Variants in MYO1B observed in about 807,000 individuals in gnomAD.
MYO1B encodes myosin IB.
MYO1B carries 72 observed loss-of-function variants against 159.7 expected under a neutral mutation model. The ratio of observed to expected loss-of-function variants is 0.45; its 90% CI spans 0.37 to 0.55. MYO1B has a LOEUF of 0.55. MYO1B is among the 20% of genes least tolerant of loss of function. MYO1B has a pLI of 0.00. For missense variants in MYO1B, 1,062 were observed against 1,364.8 expected, an observed-to-expected ratio of 0.78 and a Z score of 3.50; for synonymous variants, 468 against 473.8, an observed-to-expected ratio of 0.99 and a Z score of 0.16.
chr2:191,401,984 T>C (rs923033176), intron 23 of MYO1B: 1 of 152,652 alleles, frequency 6.6e-6, no homozygotes, highest in Non-Finnish European at 1.5e-5. Context: ...CCTATAAGTT[T>C]AACCTATAAT....
chr2:191,373,391 A>G (rs370368859), intron 13 of MYO1B, among the ~76,000 whole-genome samples: 2 of 152,192 alleles, frequency 1.3e-5, no homozygotes, highest in South Asian at 2.1e-4. Context: ...TCTGTTAGAC[A>G]GTAGTCTCTG....
intron 13 of MYO1B, among the ~76,000 whole-genome samples, chr2:191,379,660 A>G (rs1252917976): frequency 2.0e-5 from 3 of 152,132 alleles, no homozygotes; most frequent in Non-Finnish European, 2.9e-5. Flanking sequence ...GACTTGCCAG[A>G]TAACACATTT....
intron 4 of MYO1B, among the ~76,000 whole-genome samples, chr2:191,338,714 A>G (rs1230288999): frequency 4.6e-5 from 7 of 152,324 alleles, no homozygotes; most frequent in African/African-American, 1.7e-4. Flanking sequence ...CAGAGGACTC[A>G]ATGTAGCCGT....
chr2:191,317,824 AGAGCTC>A (rs902683439), intron 3 of MYO1B, among the ~76,000 whole-genome samples: 3 of 152,208 alleles, frequency 2.0e-5, no homozygotes, highest in African/African-American at 4.8e-5. Context: ...TTAAACCCAC[AGAGCTC>A]TTTGTAAGCA....
chr2:191,248,630 T>C lies in MYO1B; in HGVS notation c.-10+3004T>C, dbSNP rs142281012. On this transcript the variant is annotated intron_variant, in intron 1 of 30. Coordinates refer to ENST00000392318, the MANE Select transcript of MYO1B (RefSeq NM_001130158.3). ...ACATCACAATTCAAAATTCTAAGTATGATTTCCACTGAATGCCTATCATTT... is the reference window on the plus strand; with the variant it reads ...ACATCACAATTCAAAATTCTAAGTACGATTTCCACTGAATGCCTATCATTT... Among the ~76,000 whole-genome samples the C allele has an allele frequency of 6.2e-4, 95 of 152,308 alleles. 1 individual carries two copies. The East Asian group carries it at 0.011, about 17-fold the overall frequency.
chr2:191,347,436 C>G (rs903980384), intron 6 of MYO1B, among the ~76,000 whole-genome samples: 9 of 152,156 alleles, frequency 5.9e-5, no homozygotes, highest in Non-Finnish European at 1.0e-4. Context: ...TTCTAATGAC[C>G]AAGCTTCTTT....
intron 29 of MYO1B, 105 bp from the exon 30 acceptor site, chr2:191,416,010 A>G: frequency 8.1e-7 from 1 of 1,236,444 alleles, no homozygotes; most frequent in African/African-American, 1.5e-5. Context: ...GGATTCCAGG[A>G]TCTGATGTTT....
chr2:191,383,274 T>C lies in MYO1B; in HGVS notation c.1291-6T>C. ...TCATTGGATTTTGTTCTGTTTTGTC[T>C]TTTAGGATATAGAATGGACTCACAT... On this transcript the variant is annotated splice_region_variant and splice_polypyrimidine_tract_variant and intron_variant, in intron 14 of 30. Transcript: ENST00000392318. 6.4e-7 allele frequency: 1 copy of C among 1,564,230 alleles called. No homozygotes were observed. Among genetic ancestry groups the C allele is most frequent in the South Asian group, 1.2e-5 (1 of 84,002 alleles).
chr2:191,293,581 A>C (rs1056396611), intron 2 of MYO1B, among the ~76,000 whole-genome samples: 2 of 152,220 alleles, frequency 1.3e-5, no homozygotes, highest in Non-Finnish European at 2.9e-5. Context: ...CAGATCATAT[A>C]GGGTACCTTC....
At chr2:191,351,113 TCTC>T (rs1303254233) in intron 7 of MYO1B, among the ~76,000 whole-genome samples, 1 of 151,942 alleles carries the variant, frequency 6.6e-6, no homozygotes, top group African/African-American at 2.4e-5. Flanking sequence ...AACTGAACCT[TCTC>T]CTGCCCTTGC....
intron 5 of MYO1B, among the ~76,000 whole-genome samples, chr2:191,342,696 A>C (rs1036908922): frequency 1.3e-5 from 2 of 152,046 alleles, no homozygotes; most frequent in Non-Finnish European, 2.9e-5. Context: ...AAAATACAAA[A>C]ATTAGCTGGG....
At chr2:191,278,382 A>T (rs111565821) in intron 2 of MYO1B, among the ~76,000 whole-genome samples, 1 of 152,218 alleles carries the variant, frequency 6.6e-6, no homozygotes, top group South Asian at 2.1e-4. Flanking sequence ...CACATTGGTG[A>T]CTAGCTTTCA....
At chr2:191,279,887 C>A (rs1469082804) in intron 2 of MYO1B, among the ~76,000 whole-genome samples, 2 of 152,098 alleles carry the variant, frequency 1.3e-5, no homozygotes, top group Non-Finnish European at 2.9e-5. Context: ...AGAGCTATGT[C>A]TGATAAGGGG....
intron 6 of MYO1B, among the ~76,000 whole-genome samples, chr2:191,347,197 G>GT (rs1224370281): frequency 6.6e-6 from 1 of 152,056 alleles, no homozygotes; most frequent in Non-Finnish European, 1.5e-5. Context: ...CCTCCTTAAG[G>GT]TTATTTTGTG....
chr2:191,367,832 A>G (rs1694104443), intron 11 of MYO1B, among the ~76,000 whole-genome samples: 1 of 152,232 alleles, frequency 6.6e-6, no homozygotes, highest in Admixed American at 6.5e-5. Context: ...TCAGAAATCA[A>G]TATAAGTACA....
At chr2:191,254,415 GT>G (rs1297292762) in intron 1 of MYO1B, among the ~76,000 whole-genome samples, 5 of 151,912 alleles carry the variant, frequency 3.3e-5, no homozygotes, top group Non-Finnish European at 7.4e-5. Flanking sequence ...GTTTCTCCAT[GT>G]TGAGACTGAT....
intron 21 of MYO1B, among the ~76,000 whole-genome samples, chr2:191,397,124 ATTTCTTTTTTTTTTTTT>A (rs1362758601): frequency 1.4e-4 from 1 of 6,988 alleles, no homozygotes; most frequent in African/African-American, 2.9e-4. Flanking sequence ...AAAGAAGATG[ATTTCTTTTTTTTTTTTT>A]TTTTTTTTTT....
chr2:191,396,810 A>G (rs1320332025), intron 21 of MYO1B, among the ~76,000 whole-genome samples: 2 of 152,178 alleles, frequency 1.3e-5, no homozygotes, highest in African/African-American at 2.4e-5. Flanking sequence ...ACAGAAGGCT[A>G]TCTCACAGCC....
In MYO1B at chr2:191,321,041, G is replaced by A. The variant is rs1026293277; in HGVS notation, c.252-8894G>A. Among the ~76,000 whole-genome samples, 6 of 152,080 alleles carry A rather than the reference G, an allele frequency of 3.9e-5. No homozygotes were observed. In the South Asian group the frequency reaches 1.2e-3, roughly 32 times the overall value. ...AGTTAGAGGAGAGTGTTTTACATTT[G>A]ACTCTTGTAAACATGAAAGCTTCAC... On this transcript the variant is annotated intron_variant, in intron 3 of 30. Coordinates refer to ENST00000392318, the MANE Select transcript of MYO1B (RefSeq NM_001130158.3).
Sources: gnomAD v4.1 joint callset for allele counts (sites outside exome capture counted in the v4.1 genomes callset) on GRCh38, gnomAD v4.1.1 for gene constraint, MANE v1.5 for transcripts, NCBI Gene and HGNC (gene_info 2026-07-23, HGNC 2026-07-21) for gene names.